Variants in ZNF43 observed in about 807,000 individuals in gnomAD.
ZNF43 encodes the protein zinc finger protein 39-like 1 (KOX 27).
A neutral mutation model predicts 68.4 loss-of-function variants in ZNF43; 44 were observed. That is an observed-to-expected ratio of 0.64 (90% CI 0.51 to 0.83). ZNF43 has a LOEUF of 0.83. Among genes scored for constraint, ZNF43 ranks in the 40% least tolerant of loss-of-function variants. The pLI is 0.00. For missense variants in ZNF43, 896 were observed against 933.2 expected (o/e 0.96, Z 0.52); for synonymous variants, 308 against 307.8 (o/e 1.00, Z -0.01).
intron 3 of ZNF43, among the ~76,000 whole-genome samples, chr19:21,817,508 C>T (rs527356452): frequency 1.3e-5 from 2 of 152,294 alleles, no homozygotes; most frequent in South Asian, 4.1e-4. Context: ...ACTACTCACA[C>T]ATTTCAGACA....
intron 1 of ZNF43, among the ~76,000 whole-genome samples, chr19:21,847,517 T>C (rs1968038019): frequency 6.6e-6 from 1 of 152,154 alleles, no homozygotes; most frequent in Admixed American, 6.5e-5. Flanking sequence ...GCCAACATGC[T>C]GAAACCCCAT....
chr19:21,823,090 G>A (rs1456106172), intron 1 of ZNF43, among the ~76,000 whole-genome samples: 1 of 152,100 alleles, frequency 6.6e-6, no homozygotes, highest in Non-Finnish European at 1.5e-5. Context: ...TTCAAGTGAT[G>A]ATATCAGAAG....
Position 21,834,043 on chromosome 19 carries a change from A to G in ZNF43, c.3+1993T>C, listed in dbSNP as rs1031895156. ...ACTCCATCTTAAGGCGGGGCGGGGG[A>G]AAAAAAAGAGTCCTGTGCCTAGGGA... On this transcript the variant is annotated intron_variant, in intron 1 of 3. Transcript: ENST00000354959. 1.6e-4 allele frequency among the ~76,000 whole-genome samples: 24 copies of G among 147,472 alleles called. No homozygotes were observed. The East Asian group carries it at 2.3e-3, about 14-fold the overall frequency.
upstream of ZNF43, chr19:21,836,225 C>T (rs1230563652): frequency 2.8e-6 from 4 of 1,434,180 alleles, no homozygotes; most frequent in Admixed American, 8.4e-5. Context: ...TCCTCTCCTG[C>T]CCCGTGCCTG....
Position 21,809,566 on chromosome 19 carries a change from T to G in ZNF43, c.471A>C (p.Lys157Asn), listed in dbSNP as rs770251558. Residue 157 changes from lysine (K) to asparagine (N), a missense_variant, in exon 4 of 4, where the codon AAA (lysine) becomes AAC (asparagine). Physicochemically the swap from Lys to Asn is moderately conservative, Grantham distance 94. Coordinates refer to ENST00000354959, the MANE Select transcript of ZNF43 (RefSeq NM_003423.4). Reference sequence around the variant, plus strand: ...TCTTATGTCTGTTTGAATTTGAAAATTTATGAAAGGCTTTCACACATTTAT... The same window carrying G: ...TCTTATGTCTGTTTGAATTTGAAAAGTTATGAAAGGCTTTCACACATTTAT... ...LFDKCVKAFH[K>N]FSNSNRHKIS... The G allele has an allele frequency of 6.2e-7, 1 of 1,611,616 alleles. No individual in the cohort carries two copies. Among genetic ancestry groups the G allele is most frequent in the Non-Finnish European group, 8.5e-7 (1 of 1,179,120 alleles).
chr19:21,821,143 T>A (rs998875897), intron 1 of ZNF43, among the ~76,000 whole-genome samples: 1 of 147,564 alleles, frequency 6.8e-6, no homozygotes, highest in Non-Finnish European at 1.5e-5. Context: ...CTGTAATTTT[T>A]TTTTTTTTTT....
intron 1 of ZNF43, among the ~76,000 whole-genome samples, chr19:21,833,815 G>A (rs959549026): frequency 1.3e-5 from 2 of 151,794 alleles, no homozygotes; most frequent in Non-Finnish European, 1.5e-5. Context: ...ATCTCCTGAG[G>A]TCGGCAGTTT....
At chr19:21,851,910 C>T in exon 1 of ZNF43, 1 of 1,580,976 alleles carries the variant, frequency 6.3e-7, no homozygotes, top group Non-Finnish European at 8.6e-7. Flanking sequence ...CTCACCATTT[C>T]CCAGCTTCCA....
chr19:21,839,331 CAAAA>C (rs61335194), upstream of ZNF43, among the ~76,000 whole-genome samples: 1 of 28,298 alleles, frequency 3.5e-5, no homozygotes, highest in African/African-American at 1.2e-4. Flanking sequence ...AGAGATCAGG[CAAAA>C]AAAAAAAAAA....
At chr19:21,835,316 G>A (rs2038657115) in intron 1 of ZNF43, among the ~76,000 whole-genome samples, 1 of 149,346 alleles carries the variant, frequency 6.7e-6, no homozygotes, top group Non-Finnish European at 1.5e-5. Flanking sequence ...GAAGAAGGTG[G>A]CATTTGGGAA....
upstream of ZNF43, among the ~76,000 whole-genome samples, chr19:21,839,176 C>A (rs1283743635): frequency 6.6e-6 from 1 of 151,310 alleles, no homozygotes; most frequent in African/African-American, 2.4e-5. Flanking sequence ...GTAGCAGGTT[C>A]TAGTCAAAAA....
At chr19:21,842,056 T>C (rs966493147) in intron 1 of ZNF43, among the ~76,000 whole-genome samples, 4 of 152,102 alleles carry the variant, frequency 2.6e-5, no homozygotes, top group Non-Finnish European at 5.9e-5. Flanking sequence ...TCTCCTTTTC[T>C]AACTGAAACC....
At position 21,831,839 on chromosome 19, in the gene ZNF43, G is replaced by A. The variant is rs114835881; in HGVS notation, c.3+4197C>T. Among the ~76,000 whole-genome samples, 737 of 152,234 alleles carry A rather than the reference G, an allele frequency of 4.8e-3. 6 individuals carry two copies. Among genetic ancestry groups the A allele is most frequent in the African/African-American group, 0.017 (710 of 41,542 alleles). ...CAGAAATATAGCTAACCAGGGAGGT[G>A]AAAGATCTCTATGACAAGAATTTTA... is the stretch of plus-strand genomic sequence containing the variant. On this transcript the variant is annotated intron_variant, in intron 1 of 3. Coordinates refer to ENST00000354959, the MANE Select transcript of ZNF43 (RefSeq NM_003423.4).
chr19:21,808,940 G>A lies in ZNF43; in HGVS notation c.1097C>T (p.Ala366Val), dbSNP rs1295677274. The change falls in exon 4 of 4, where the codon GCA (alanine) becomes GTA (valine). Residue 366 changes from alanine to valine, a missense_variant. Transcript: ENST00000354959. ...TTCTGTACATTTATAGAATTTCTCT[G>A]CAGTATGGATTCTCTTATGTGTAGT... ...NLTTHKRIHT[A>V]EKFYKCTECG... The A allele has an allele frequency of 6.2e-7, 1 of 1,611,278 alleles. No individual in the cohort carries two copies. Among genetic ancestry groups the A allele is most frequent in the Admixed American group, 1.7e-5 (1 of 59,740 alleles).
Position 21,809,675 on chromosome 19 carries a change from A to C in ZNF43, c.362T>G (p.Val121Gly). The C allele has an allele frequency of 1.2e-6, 2 of 1,613,412 alleles. No individual in the cohort carries two copies. The highest frequency in any genetic ancestry group is 1.7e-6 in the Non-Finnish European group (2 of 1,179,824). ...TCCTCTGTGCACCTTACACTCATCC[A>C]CACTTTTATGGTCTTTTTTTAAATG... is the stretch of plus-strand genomic sequence containing the variant. Reference protein sequence around the residue: ...NVHLKKDHKSVDECKVHRGGY... With the variant: ...NVHLKKDHKSGDECKVHRGGY... Residue 121 changes from valine (V) to glycine (G), a missense_variant, in exon 4 of 4, where the codon GTG becomes GGG. Transcript: ENST00000354959.
intron 1 of ZNF43, chr19:21,843,279 G>T: frequency 1.4e-6 from 1 of 722,054 alleles, no homozygotes; most frequent in Non-Finnish European, 1.7e-6. Context: ...CCAGGCAGGA[G>T]AGTCAAATCG....
At chr19:21,843,439 T>G (rs1967676049) in intron 1 of ZNF43, 3 of 946,184 alleles carry the variant, frequency 3.2e-6, no homozygotes, top group Non-Finnish European at 3.8e-6. Flanking sequence ...CATCTCAATG[T>G]AGATGAATCC....
At chr19:21,810,519 G>A (rs1475101883) in intron 3 of ZNF43, among the ~76,000 whole-genome samples, 1 of 152,230 alleles carries the variant, frequency 6.6e-6, no homozygotes, top group East Asian at 1.9e-4. Flanking sequence ...TGGAAACATG[G>A]ACATCCAAAC....
intron 3 of ZNF43, among the ~76,000 whole-genome samples, chr19:21,814,468 C>T (rs1209873416): frequency 1.3e-5 from 2 of 150,618 alleles, no homozygotes; most frequent in East Asian, 2.0e-4. Context: ...TGGAGTGCAA[C>T]GGCACGATCT....
Sources: gnomAD v4.1 joint callset for allele counts (sites outside exome capture counted in the v4.1 genomes callset) on GRCh38, gnomAD v4.1.1 for gene constraint, MANE v1.5 for transcripts, NCBI Gene and HGNC (gene_info 2026-07-23, HGNC 2026-07-21) for gene names.